Variants in C5orf46 observed in about 807,000 individuals in gnomAD.
C5orf46 encodes uncharacterized protein C5orf46.
C5orf46 carries 9 observed loss-of-function variants against 8.9 expected under a neutral mutation model. The observed-to-expected ratio is 1.01, with a 90% confidence interval of 0.61 to 1.76. The LOEUF (loss-of-function observed/expected upper bound fraction) is 1.76. C5orf46 is among the 40% of genes most tolerant of loss of function. The probability of loss-of-function intolerance (pLI) is 0.00; values close to 1 mark genes in which losing one functional copy is unlikely to be tolerated. For synonymous variants in C5orf46, 47 were observed against 41.4 expected (o/e 1.14, Z -0.52); for missense variants, 98 against 107.8 (o/e 0.91, Z 0.40).
chr5:147,887,283 T>A (rs1189422908), intron 2 of C5orf46: 2 of 152,188 alleles, frequency 1.3e-5, no homozygotes, highest in Non-Finnish European at 2.9e-5. Context: ...GCAAGGTAGA[T>A]AATGAGAAAT....
chr5:147,897,573 A>T (rs1451649738), intron 2 of C5orf46, among the ~76,000 whole-genome samples: 1 of 152,198 alleles, frequency 6.6e-6, no homozygotes, highest in African/African-American at 2.4e-5. Flanking sequence ...CTGAGATCGT[A>T]AAAGATAACT....
intron 1 of C5orf46, 141 bp from the exon 2 acceptor site, chr5:147,901,914 T>G: frequency 1.2e-6 from 1 of 833,822 alleles, no homozygotes; most frequent in South Asian, 2.1e-5. Context: ...GAACATTTAA[T>G]GCCTGTCTGG....
chr5:147,888,501 A>G (rs1161589621), downstream of C5orf46, among the ~76,000 whole-genome samples: 2 of 152,166 alleles, frequency 1.3e-5, no homozygotes, highest in Non-Finnish European at 2.9e-5. Flanking sequence ...AGAGAACAGT[A>G]TACCTAGCAC....
chr5:147,898,136 G>A (rs1757612135), intron 2 of C5orf46, among the ~76,000 whole-genome samples: 1 of 152,014 alleles, frequency 6.6e-6, no homozygotes, highest in Non-Finnish European at 1.5e-5. Flanking sequence ...GAGACAGAAG[G>A]TGGAACTTAT....
chr5:147,896,166 GCT>G (rs898947293), intron 3 of C5orf46, among the ~76,000 whole-genome samples: 10 of 152,232 alleles, frequency 6.6e-5, no homozygotes, highest in African/African-American at 2.4e-4. Context: ...ATACTATTCT[GCT>G]CTGTTTCCAG....
chr5:147,893,907 A>ATT (rs112629955), intron 3 of C5orf46, among the ~76,000 whole-genome samples: 8,152 of 142,812 alleles, frequency 0.057, 684 homozygotes, highest in African/African-American at 0.18. Context: ...GGGAAGGCAT[A>ATT]TTTTTTTTTT....
At chr5:147,894,234 A>C (rs1013209591) in intron 3 of C5orf46, among the ~76,000 whole-genome samples, 1 of 152,224 alleles carries the variant, frequency 6.6e-6, no homozygotes, top group Non-Finnish European at 1.5e-5. Flanking sequence ...GTTTTTAAGC[A>C]GGAAAGAAAA....
At chr5:147,900,706 G>A (rs962973834) in intron 2 of C5orf46, among the ~76,000 whole-genome samples, 3 of 152,152 alleles carry the variant, frequency 2.0e-5, no homozygotes, top group African/African-American at 7.2e-5. Flanking sequence ...ATTCCCCCAA[G>A]GGATTCTGTA....
intron 1 of C5orf46, among the ~76,000 whole-genome samples, chr5:147,905,785 CCCTCTGCAA>C (rs1757742600): frequency 6.6e-6 from 1 of 152,144 alleles, no homozygotes; most frequent in Admixed American, 6.5e-5. Context: ...AAGTAACTTG[CCCTCTGCAA>C]CCTGTTTATT....
At chr5:147,893,430 A>G (rs1338456546) in intron 3 of C5orf46, among the ~76,000 whole-genome samples, 4 of 151,694 alleles carry the variant, frequency 2.6e-5, no homozygotes, top group South Asian at 4.2e-4. Context: ...GACTACAGGC[A>G]CCCGCTACCA....
At chr5:147,896,181 G>A (rs1757577248) in intron 3 of C5orf46, among the ~76,000 whole-genome samples, 4 of 152,134 alleles carry the variant, frequency 2.6e-5, no homozygotes, top group Admixed American at 2.6e-4. Context: ...GTTTCCAGTA[G>A]CACTATGGCT....
At chr5:147,888,142 C>T (rs1757450122), downstream of C5orf46, among the ~76,000 whole-genome samples, 1 of 152,200 alleles carries the variant, frequency 6.6e-6, no homozygotes, top group South Asian at 2.1e-4. Flanking sequence ...ACTTCCCTCT[C>T]CCTGACACGT....
At chr5:147,905,993 A>C (rs1284169898) in intron 1 of C5orf46, among the ~76,000 whole-genome samples, 1 of 152,204 alleles carries the variant, frequency 6.6e-6, no homozygotes, top group African/African-American at 2.4e-5. Context: ...GAGAAAGTTA[A>C]ATGTCCCCAT....
At chr5:147,890,461 G>A (rs1757486600), downstream of C5orf46, among the ~76,000 whole-genome samples, 1 of 151,672 alleles carries the variant, frequency 6.6e-6, no homozygotes, top group African/African-American at 2.4e-5. Flanking sequence ...GGCAGAAAAA[G>A]GAATGAAATA....
chr5:147,893,793 G>A (rs1426266412), intron 3 of C5orf46, among the ~76,000 whole-genome samples: 2 of 151,840 alleles, frequency 1.3e-5, no homozygotes. Context: ...CTGCCCGCTC[G>A]GCCTCCCAAA....
At chr5:147,902,792 A>T (rs892510642) in intron 1 of C5orf46, among the ~76,000 whole-genome samples, 2 of 152,222 alleles carry the variant, frequency 1.3e-5, no homozygotes, top group Admixed American at 6.5e-5. Flanking sequence ...TAGTATAACA[A>T]TAATGATGAC....
In C5orf46 at chr5:147,892,755, T is replaced by C. The variant is rs113560616; in HGVS notation, c.*194A>G. ...CCCAAAGCGCCATATTTATTCTAAC[T>C]TTCTAAAAGCAAAAATGCAGTCAGG... is the stretch of plus-strand genomic sequence containing the variant. On this transcript the variant is annotated 3_prime_UTR_variant, in exon 4 of 4. Transcript: ENST00000318315. The C allele has an allele frequency of 6.6e-4, 101 of 152,336 alleles. No homozygotes were observed. Among genetic ancestry groups the C allele is most frequent in the African/African-American group, 2.3e-3 (97 of 41,580 alleles). The allele number at this position is 152,336 out of a possible 1,614,324, so 9.4% of individuals were successfully genotyped here. A position where few individuals can be genotyped will look rare whatever the true frequency, so the allele number is the denominator to read the frequency against.
At chr5:147,906,150 A>C (rs7722416) in intron 1 of C5orf46, among the ~76,000 whole-genome samples, 38,372 of 152,090 alleles carry the variant, frequency 0.25, 8,702 homozygotes, top group African/African-American at 0.61. Flanking sequence ...AATAAATGCC[A>C]GTCAGCTCCC....
Position 147,901,647 on chromosome 5 carries a change from C to A in C5orf46, c.197G>T (p.Arg66Leu), listed in dbSNP as rs182199345. Residue 66 changes from arginine (R) to leucine (L), a missense_variant, in exon 2 of 4, where the codon CGC becomes CTC. Physicochemically the swap from Arg to Leu is moderately radical, Grantham distance 102 (BLOSUM62 -2). Coordinates refer to ENST00000318315, the MANE Select transcript of C5orf46 (RefSeq NM_206966.3). ...IIENAVEFIL[R>L]SMSRSTGFME... ...TGCTTACGTGCTCCTGGACATGGAGCGGAGGATGAACTCGACTGCATTCTC... is the reference window on the plus strand; with the variant it reads ...TGCTTACGTGCTCCTGGACATGGAGAGGAGGATGAACTCGACTGCATTCTC... 6.2e-7 allele frequency: 1 copy of A among 1,613,816 alleles called. No individual in the cohort carries two copies. Among genetic ancestry groups the A allele is most frequent in the South Asian group, 1.1e-5 (1 of 91,040 alleles).
Sources: allele counts gnomAD v4.1 joint callset (sites outside exome capture counted in the v4.1 genomes callset), GRCh38; gene constraint gnomAD v4.1.1; transcripts MANE v1.5; gene names NCBI Gene and HGNC (gene_info 2026-07-23, HGNC 2026-07-21).